Variants in GBF1 observed in about 807,000 individuals in gnomAD.
The protein encoded by GBF1 is golgi brefeldin A resistant guanine nucleotide exchange factor 1.
In GBF1, 114 loss-of-function variants were observed where a neutral mutation model predicts 210.5. That is an observed-to-expected ratio of 0.54 (90% CI 0.47 to 0.63). The LOEUF is 0.63. Ranked by LOEUF, GBF1 falls within the 30% of genes least tolerant of loss-of-function variation. GBF1 has a pLI of 0.00. For synonymous variants in GBF1, 850 were observed against 889.2 expected (o/e 0.96, Z 0.78); for missense variants, 1,851 against 2,357.7 (o/e 0.79, Z 4.45).
intron 3 of GBF1, among the ~76,000 whole-genome samples, chr10:102,288,584 G>A (rs933910646): frequency 1.3e-5 from 2 of 151,890 alleles, no homozygotes; most frequent in Admixed American, 6.6e-5. Flanking sequence ...GGTGGCGGGC[G>A]CCTGTAGTCC....
intron 3 of GBF1, among the ~76,000 whole-genome samples, chr10:102,338,237 C>CTTTT (rs398046214): frequency 0.022 from 2,528 of 114,036 alleles, 156 homozygotes; most frequent in African/African-American, 0.074. Flanking sequence ...CAACCTTCTT[C>CTTTT]TTTTTTTTTT....
At chr10:102,317,668 C>A (rs1454077973) in intron 3 of GBF1, among the ~76,000 whole-genome samples, 1 of 152,076 alleles carries the variant, frequency 6.6e-6, no homozygotes, top group East Asian at 1.9e-4. Flanking sequence ...CTCCATAGTC[C>A]AATCACCTAA....
chr10:102,376,803 G>A lies in GBF1; in HGVS notation c.4288+3G>A, dbSNP rs1285359266. Reference sequence around the variant, plus strand: ...TGTGGAGGCCAGTCTGAATGGCGGTGGGTCAGCTGATGAGGGGGCAGCTGG... The same window carrying A: ...TGTGGAGGCCAGTCTGAATGGCGGTAGGTCAGCTGATGAGGGGGCAGCTGG... On this transcript the variant is annotated splice_donor_region_variant and intron_variant, in intron 32 of 39. Coordinates refer to ENST00000369983, the MANE Select transcript of GBF1 (RefSeq NM_001377137.1). 2 of 1,608,852 alleles carry A rather than the reference G, an allele frequency of 1.2e-6. No individual in the cohort carries two copies. The highest frequency in any genetic ancestry group is 2.2e-5 in the South Asian group (2 of 91,078).
intron 3 of GBF1, among the ~76,000 whole-genome samples, chr10:102,263,184 A>G (rs2073445072): frequency 6.6e-6 from 1 of 152,212 alleles, no homozygotes; most frequent in Admixed American, 6.5e-5. Flanking sequence ...TCTGCAACCC[A>G]TGACTAATTT....
intron 3 of GBF1, among the ~76,000 whole-genome samples, chr10:102,289,061 C>A (rs1244658904): frequency 3.3e-5 from 5 of 150,838 alleles, no homozygotes; most frequent in Non-Finnish European, 1.5e-5. Flanking sequence ...CAAGATCATG[C>A]CACTGCACTC....
chr10:102,232,338 G>C, the GBF1 span, among the ~76,000 whole-genome samples: 1 of 152,204 alleles, frequency 6.6e-6, no homozygotes, highest in South Asian at 2.1e-4. Flanking sequence ...CTGGGAACTA[G>C]AACTGTGCCA....
At chr10:102,302,218 C>T in intron 3 of GBF1, among the ~76,000 whole-genome samples, 1 of 152,122 alleles carries the variant, frequency 6.6e-6, no homozygotes, top group South Asian at 2.1e-4. Flanking sequence ...GGCGGGAGTA[C>T]AGTCCAGCTT....
At chr10:102,331,635 G>A (rs1488701645) in intron 3 of GBF1, among the ~76,000 whole-genome samples, 2 of 152,070 alleles carry the variant, frequency 1.3e-5, no homozygotes, top group East Asian at 3.9e-4. Flanking sequence ...TGACCTTTGA[G>A]GGATTGATCA....
At chr10:102,367,299 G>A in intron 20 of GBF1, 89 bp downstream of exon 20, 1 of 1,404,116 alleles carries the variant, frequency 7.1e-7, no homozygotes, top group East Asian at 2.3e-5. Context: ...GGGCATGATG[G>A]ATGGGGTTCT....
At chr10:102,268,575 A>G (rs1264686644) in intron 3 of GBF1, among the ~76,000 whole-genome samples, 1 of 152,116 alleles carries the variant, frequency 6.6e-6, no homozygotes, top group Non-Finnish European at 1.5e-5. Flanking sequence ...AGTAAAAAGA[A>G]AGCCAGCTGC....
At chr10:102,344,028 C>G in intron 3 of GBF1, 23 bp from the exon 4 acceptor site, 1 of 1,605,318 alleles carries the variant, frequency 6.2e-7, no homozygotes, top group East Asian at 2.2e-5. Context: ...GATACCTCTT[C>G]ATTTCTGTGT....
At chr10:102,305,378 C>A (rs2077759953) in intron 3 of GBF1, among the ~76,000 whole-genome samples, 1 of 151,970 alleles carries the variant, frequency 6.6e-6, no homozygotes, top group Admixed American at 6.6e-5. Flanking sequence ...TTTGGGAGGC[C>A]AAGACAGGCA....
At chr10:102,370,618 A>C in intron 28 of GBF1, 89 bp from the exon 29 acceptor site, 1 of 1,379,758 alleles carries the variant, frequency 7.2e-7, no homozygotes, top group Non-Finnish European at 1.0e-6. Context: ...CTTAGGGTAT[A>C]ATACCAATGA....
chr10:102,282,332 T>C, intron 3 of GBF1, among the ~76,000 whole-genome samples: 1 of 152,110 alleles, frequency 6.6e-6, no homozygotes, highest in Non-Finnish European at 1.5e-5. Flanking sequence ...CCAGAAAAAT[T>C]AAGTAACATT....
At chr10:102,342,063 G>A (rs2058221012) in intron 3 of GBF1, among the ~76,000 whole-genome samples, 1 of 146,980 alleles carries the variant, frequency 6.8e-6, no homozygotes, top group South Asian at 2.1e-4. Flanking sequence ...TTGAGTCGGA[G>A]TCTTGTTCTG....
intron 3 of GBF1, among the ~76,000 whole-genome samples, chr10:102,281,930 CTTTTTTTTTT>C (rs772397261): frequency 7.1e-6 from 1 of 140,652 alleles, no homozygotes; most frequent in Non-Finnish European, 1.6e-5. Flanking sequence ...TCTTTCTTTT[CTTTTTTTTTT>C]TTTTGAGACA....
the GBF1 span, chr10:102,231,756 G>A: frequency 6.2e-7 from 1 of 1,607,982 alleles, no homozygotes; most frequent in Non-Finnish European, 8.5e-7. Flanking sequence ...CCTCTGGGGA[G>A]CCGCCGGGCA....
At chr10:102,280,539 T>C (rs2075391286) in intron 3 of GBF1, among the ~76,000 whole-genome samples, 1 of 152,196 alleles carries the variant, frequency 6.6e-6, no homozygotes, top group Non-Finnish European at 1.5e-5. Flanking sequence ...ATTTTTAACC[T>C]CCCATTTCAA....
At chr10:102,300,461 A>G (rs991786353) in intron 3 of GBF1, among the ~76,000 whole-genome samples, 2 of 152,256 alleles carry the variant, frequency 1.3e-5, no homozygotes, top group East Asian at 3.8e-4. Context: ...GAGGTTCTAA[A>G]GTGAAACCAT....
Sources: gnomAD v4.1 joint callset for allele counts (sites outside exome capture counted in the v4.1 genomes callset) on GRCh38, gnomAD v4.1.1 for gene constraint, MANE v1.5 for transcripts, NCBI Gene and HGNC (gene_info 2026-07-23, HGNC 2026-07-21) for gene names.